The following CAMK1D variants were observed in gnomAD, a reference collection of about 807,000 sequenced individuals.
CAMK1D encodes the protein calcium/calmodulin dependent protein kinase ID.
CAMK1D carries 9 observed loss-of-function variants against 47.7 expected under a neutral mutation model. The ratio of observed to expected loss-of-function variants is 0.19; its 90% CI spans 0.11 to 0.33. The LOEUF (loss-of-function observed/expected upper bound fraction) is 0.33, where lower values mean the gene tolerates loss of function less well. Ranked by LOEUF, CAMK1D falls within the 10% of genes least tolerant of loss-of-function variation. The pLI is 1.00. For synonymous variants in CAMK1D, 184 were observed against 184.9 expected (o/e 0.99, Z 0.04); for missense variants, 291 against 488.7 (o/e 0.60, Z 3.81).
chr10:12,632,427 A>G (rs1839406364), intron 2 of CAMK1D, among the ~76,000 whole-genome samples: 1 of 152,224 alleles, frequency 6.6e-6, no homozygotes, highest in Non-Finnish European at 1.5e-5. Context: ...TGAGTGGCAG[A>G]ACAGCTGATA....
chr10:12,766,083 A>G (rs1260658066), intron 4 of CAMK1D, among the ~76,000 whole-genome samples: 1 of 148,966 alleles, frequency 6.7e-6, no homozygotes, highest in East Asian at 2.0e-4. Context: ...CTCCTGCCTC[A>G]GCCTCCCTAG....
rs1287204063 is a variant in CAMK1D at position 12,751,123 on chromosome 10, TAAGAA to T, written c.300-9824_300-9820del. Among the ~76,000 whole-genome samples the T allele has an allele frequency of 3.3e-5, 4 of 120,634 alleles. No homozygotes were observed. The East Asian group carries it at 7.3e-4, about 22-fold the overall frequency. The allele number at this position is 120,634 out of a possible 152,430, so 79.1% of individuals were successfully genotyped here. On this transcript the variant is annotated intron_variant, in intron 3 of 10. Transcript: ENST00000619168. ...TAAGATAAGATAAGATAAGATAAGA[TAAGAA>T]GGCTTCAGAAGGCTTCTTTCGTGAG...
chr10:12,774,997 AAGG>A (rs942306116), intron 5 of CAMK1D, among the ~76,000 whole-genome samples: 22 of 152,210 alleles, frequency 1.4e-4, no homozygotes, highest in Non-Finnish European at 2.4e-4. Context: ...AGGGTGGAGG[AAGG>A]AGATGTGAGA....
In CAMK1D at chr10:12,462,135, T is replaced by C. The variant is rs1480796171; in HGVS notation, c.93-91090T>C. On this transcript the variant is annotated intron_variant, in intron 1 of 10. Transcript: ENST00000619168. ...ATTTTTCATTACTAAATGGATAATT[T>C]GAATTTCTGGCCTATGAAGAGTTTT... 2.0e-5 allele frequency among the ~76,000 whole-genome samples: 3 copies of C among 151,094 alleles called. 1 individual carries two copies. The highest frequency in any genetic ancestry group is 1.3e-4 in the Admixed American group (2 of 15,054).
chr10:12,387,652 A>G (rs1838573231), intron 1 of CAMK1D, among the ~76,000 whole-genome samples: 1 of 149,944 alleles, frequency 6.7e-6, no homozygotes, highest in Admixed American at 6.7e-5. Flanking sequence ...AACCCTGGCT[A>G]ATTTTTGTAT....
chr10:12,733,146 C>T (rs756900119), intron 3 of CAMK1D, among the ~76,000 whole-genome samples: 3 of 152,190 alleles, frequency 2.0e-5, no homozygotes, highest in African/African-American at 4.8e-5. Context: ...TTATATGGCA[C>T]CAGTTGTTTT....
chr10:12,512,192 C>T (rs2815652), intron 1 of CAMK1D, among the ~76,000 whole-genome samples: 77,095 of 152,034 alleles, frequency 0.51, 19,734 homozygotes, highest in South Asian at 0.6. Context: ...AGTATCAAAA[C>T]GTGTCAGCTC....
chr10:12,669,003 T>C (rs2132560863), intron 3 of CAMK1D, among the ~76,000 whole-genome samples: 1 of 152,176 alleles, frequency 6.6e-6, no homozygotes, highest in Non-Finnish European at 1.5e-5. Context: ...AGTTCGAGGC[T>C]GGCAGATCAT....
chr10:12,540,119 G>A lies in CAMK1D; in HGVS notation c.93-13106G>A, dbSNP rs527253425. On this transcript the variant is annotated intron_variant, in intron 1 of 10. Transcript: ENST00000619168. ...CTTTTCTTTTTTTTTTGGAGAGTTG[G>A]GGGTCTTGCTCTGTTATCCAGGCTG... is the stretch of plus-strand genomic sequence containing the variant. Among the ~76,000 whole-genome samples the A allele has an allele frequency of 3.3e-5, 5 of 151,148 alleles. No homozygotes were observed. The South Asian group carries it at 1.0e-3, about 32-fold the overall frequency.
chr10:12,643,704 CA>C (rs914446380), intron 2 of CAMK1D, among the ~76,000 whole-genome samples: 1 of 151,916 alleles, frequency 6.6e-6, no homozygotes, highest in Non-Finnish European at 1.5e-5. Flanking sequence ...GCCAATACAG[CA>C]AAACCCTGTC....
intron 7 of CAMK1D, among the ~76,000 whole-genome samples, chr10:12,815,018 G>A (rs1190179794): frequency 6.6e-6 from 1 of 152,202 alleles, no homozygotes; most frequent in Non-Finnish European, 1.5e-5. Context: ...CTGTATGTGT[G>A]CTAACTCACT....
intron 3 of CAMK1D, among the ~76,000 whole-genome samples, chr10:12,734,570 GTA>G (rs372727529): frequency 1.9e-4 from 28 of 143,686 alleles, no homozygotes; most frequent in South Asian, 6.6e-4. Flanking sequence ...ACACATATGT[GTA>G]TATATATATA....
intron 1 of CAMK1D, among the ~76,000 whole-genome samples, chr10:12,511,894 G>A (rs1835052430): frequency 2.6e-5 from 4 of 152,188 alleles, no homozygotes; most frequent in South Asian, 2.1e-4. Flanking sequence ...GTATGTACCC[G>A]TCCTGTGAGC....
At chr10:12,751,031 T>C (rs947833239) in intron 3 of CAMK1D, among the ~76,000 whole-genome samples, 3 of 151,194 alleles carry the variant, frequency 2.0e-5, no homozygotes, top group Non-Finnish European at 2.9e-5. Flanking sequence ...CCAGCCTGGG[T>C]GACGGAGCCC....
chr10:12,516,043 G>A (rs897667961), intron 1 of CAMK1D, among the ~76,000 whole-genome samples: 3 of 152,278 alleles, frequency 2.0e-5, no homozygotes, highest in African/African-American at 2.4e-5. Flanking sequence ...TGAATGGTAA[G>A]CCATTGTATG....
chr10:12,692,619 T>C lies in CAMK1D; in HGVS notation c.299+25809T>C, dbSNP rs143192295. The stretch of plus-strand genomic sequence containing the variant: ...CTTCATACAAATAAAAGAAAAAACT[T>C]CTTCATAGCCAAAACAATTTAAAAA... On this transcript the variant is annotated intron_variant, in intron 3 of 10. Transcript: ENST00000619168. 1.9e-3 allele frequency among the ~76,000 whole-genome samples: 295 copies of C among 152,300 alleles called. 1 individual carries two copies. The highest frequency in any genetic ancestry group is 6.4e-3 in the African/African-American group (267 of 41,554).
intron 2 of CAMK1D, among the ~76,000 whole-genome samples, chr10:12,662,343 T>G (rs1840296975): frequency 6.6e-6 from 1 of 152,154 alleles, no homozygotes; most frequent in Non-Finnish European, 1.5e-5. Flanking sequence ...GCTCTCACAA[T>G]ATCAACCCGA....
At chr10:12,645,092 C>A (rs537845620) in intron 2 of CAMK1D, among the ~76,000 whole-genome samples, 4 of 152,132 alleles carry the variant, frequency 2.6e-5, no homozygotes, top group Admixed American at 2.6e-4. Flanking sequence ...AATTCATATC[C>A]TCCTCTGCCT....
chr10:12,694,145 A>T (rs1420841419), intron 3 of CAMK1D, among the ~76,000 whole-genome samples: 350 of 3,020 alleles, frequency 0.12, 41 homozygotes, highest in South Asian at 0.28. Context: ...TATATAATAT[A>T]ATATATAATA....
Sources: gnomAD v4.1 joint callset for allele counts (sites outside exome capture counted in the v4.1 genomes callset) on GRCh38, gnomAD v4.1.1 for gene constraint, MANE v1.5 for transcripts, NCBI Gene and HGNC (gene_info 2026-07-23, HGNC 2026-07-21) for gene names.